RBFOX2: variants seen among roughly 807,000 people sequenced by gnomAD.
RBFOX2 encodes the protein RNA binding protein fox-1 homolog 2.
RBFOX2 carries 10 observed loss-of-function variants against 49.1 expected under a neutral mutation model. That is an observed-to-expected ratio of 0.20 (90% CI 0.13 to 0.35). RBFOX2 has a LOEUF of 0.35. Ranked by LOEUF, RBFOX2 falls within the 10% of genes least tolerant of loss-of-function variation. The probability of loss-of-function intolerance (pLI) is 1.00; values close to 1 mark genes in which losing one functional copy is unlikely to be tolerated. For synonymous variants in RBFOX2, 183 were observed against 187.4 expected, an observed-to-expected ratio of 0.98 and a Z score of 0.19; for missense variants, 323 against 486.9, an observed-to-expected ratio of 0.66 and a Z score of 3.17.
rs370168759 is a variant in RBFOX2 at position 35,778,013 on chromosome 22, A to C, written c.453+12T>G. 2 of 1,607,214 alleles carry C rather than the reference A, an allele frequency of 1.2e-6. No homozygotes were observed. Among genetic ancestry groups the C allele is most frequent in the African/African-American group, 1.3e-5 (1 of 74,614 alleles). ...AGAAATCAAGCACACTTGACACTGA[A>C]ATGGAGCTTACCTTAGAGCCACGTT... On this transcript the variant is annotated intron_variant, in intron 4 of 11. Transcript: ENST00000405409.
At chr22:35,762,764 C>A (rs2146396235) in intron 6 of RBFOX2, among the ~76,000 whole-genome samples, 2 of 152,250 alleles carry the variant, frequency 1.3e-5, no homozygotes, top group Admixed American at 1.3e-4. Flanking sequence ...CTCAGCCTCC[C>A]AGAGTGCTGG....
At chr22:35,884,245 C>T (rs2046300083) in intron 1 of RBFOX2, among the ~76,000 whole-genome samples, 1 of 152,154 alleles carries the variant, frequency 6.6e-6, no homozygotes, top group Non-Finnish European at 1.5e-5. Context: ...GATCCGCCTG[C>T]CTCGGCCTCA....
chr22:35,887,232 C>T (rs2046685480), intron 1 of RBFOX2, among the ~76,000 whole-genome samples: 1 of 152,008 alleles, frequency 6.6e-6, no homozygotes, highest in South Asian at 2.1e-4. Context: ...AGCATTCATG[C>T]GTAAGCCTTT....
chr22:35,919,530 CAAA>C (rs758998485), intron 1 of RBFOX2, among the ~76,000 whole-genome samples: 3 of 115,954 alleles, frequency 2.6e-5, no homozygotes, highest in African/African-American at 3.1e-5. Flanking sequence ...GAGACTGTCT[CAAA>C]AAAAAAAAAA....
intron 1 of RBFOX2, among the ~76,000 whole-genome samples, chr22:35,892,917 C>G (rs913988219): frequency 6.6e-6 from 1 of 152,246 alleles, no homozygotes; most frequent in Non-Finnish European, 1.5e-5. Flanking sequence ...TATTCCTAGT[C>G]CACAGCAGCT....
At chr22:35,794,896 G>A (rs1315061955) in intron 2 of RBFOX2, among the ~76,000 whole-genome samples, 1 of 152,148 alleles carries the variant, frequency 6.6e-6, no homozygotes, top group Non-Finnish European at 1.5e-5. Context: ...GGCATTAGGA[G>A]TAAGTAGGTA....
chr22:35,877,275 CAGGA>C (rs1332408051), intron 1 of RBFOX2, among the ~76,000 whole-genome samples: 5 of 150,522 alleles, frequency 3.3e-5, no homozygotes, highest in Non-Finnish European at 7.4e-5. Context: ...GCTAAAAGGA[CAGGA>C]AGGGAGAAAG....
chr22:35,909,956 G>A lies in RBFOX2; in HGVS notation c.-34+28891C>T, dbSNP rs60095048. On this transcript the variant is annotated intron_variant, in intron 1 of 13. Transcript: ENST00000359369. ...AGAAAAAGAAGATAATTTTTAACCT[G>A]TACCCAAAGGCATAGACAATACAAA... Among the ~76,000 whole-genome samples, 534 of 152,140 alleles carry A rather than the reference G, an allele frequency of 3.5e-3. 1 individual carries two copies. The highest frequency in any genetic ancestry group is 0.011 in the African/African-American group (475 of 41,516).
intron 1 of RBFOX2, among the ~76,000 whole-genome samples, chr22:35,918,216 T>G (rs1263459207): frequency 6.6e-6 from 1 of 152,202 alleles, no homozygotes; most frequent in Non-Finnish European, 1.5e-5. Context: ...TCTGGCAAAG[T>G]AGAAAGCCAT....
chr22:35,961,714 G>A, upstream of RBFOX2: 1 of 1,290,134 alleles, frequency 7.8e-7, no homozygotes, highest in Non-Finnish European at 1.0e-6. Context: ...GCTTCATGGA[G>A]CAGGATACAC....
At position 35,770,544 on chromosome 22, in the gene RBFOX2, A is replaced by C. The variant is rs969904623; in HGVS notation, c.454-2195T>G. ...GAGTCGAACTGAGATTAAGTACCCA[A>C]GGATATCCAGCTAATGGTGAGAAAA... On this transcript the variant is annotated intron_variant, in intron 4 of 11. Transcript: ENST00000405409. Among the ~76,000 whole-genome samples the C allele has an allele frequency of 5.9e-5, 9 of 152,310 alleles. No individual in the cohort carries two copies. The East Asian group carries it at 1.5e-3, about 26-fold the overall frequency.
At chr22:35,952,004 G>A (rs140102094) in intron 1 of RBFOX2, among the ~76,000 whole-genome samples, 19 of 152,342 alleles carry the variant, frequency 1.2e-4, no homozygotes, top group African/African-American at 4.6e-4. Context: ...ACTGATCAGA[G>A]TGGCTCTTAT....
At chr22:35,988,480 G>A (rs1227303060) in intron 1 of RBFOX2, among the ~76,000 whole-genome samples, 1 of 152,182 alleles carries the variant, frequency 6.6e-6, no homozygotes, top group Non-Finnish European at 1.5e-5. Context: ...TATGAAAGCA[G>A]TCAAGAGAGT....
At chr22:35,997,852 A>T (rs1024835522) in intron 1 of RBFOX2, 1 of 152,112 alleles carries the variant, frequency 6.6e-6, no homozygotes, top group Non-Finnish European at 1.5e-5. Context: ...AATAAATAAA[A>T]AATTACCCAG....
chr22:35,828,316 A>G (rs1235905658), intron 1 of RBFOX2, among the ~76,000 whole-genome samples: 1 of 152,184 alleles, frequency 6.6e-6, no homozygotes, highest in Non-Finnish European at 1.5e-5. Context: ...GAGCTTTACA[A>G]CTGCCCCAAC....
intron 1 of RBFOX2, among the ~76,000 whole-genome samples, chr22:35,813,851 C>T (rs6000008): frequency 6.7e-4 from 102 of 152,310 alleles, no homozygotes; most frequent in African/African-American, 2.4e-3. Flanking sequence ...AGGGATAACA[C>T]AGAGTGAAAC....
At chr22:35,738,840 CAAT>C (rs1230883282) in exon 12 of RBFOX2, 1 of 152,498 alleles carries the variant, frequency 6.6e-6, no homozygotes, top group Non-Finnish European at 1.5e-5. Flanking sequence ...GCAACATGAT[CAAT>C]AATTTATACA....
At chr22:35,933,106 C>A (rs141622868) in intron 1 of RBFOX2, among the ~76,000 whole-genome samples, 10 of 152,232 alleles carry the variant, frequency 6.6e-5, no homozygotes, top group African/African-American at 2.4e-4. Flanking sequence ...CAGACAAATA[C>A]AAAAGGGAAA....
At chr22:35,874,566 G>T (rs975804175) in intron 1 of RBFOX2, among the ~76,000 whole-genome samples, 1 of 152,298 alleles carries the variant, frequency 6.6e-6, no homozygotes, top group African/African-American at 2.4e-5. Context: ...AAATCTTAGG[G>T]AGAGAGGAAA....
Sources: gnomAD v4.1 joint callset for allele counts (sites outside exome capture counted in the v4.1 genomes callset) on GRCh38, gnomAD v4.1.1 for gene constraint, MANE v1.5 for transcripts, NCBI Gene and HGNC (gene_info 2026-07-23, HGNC 2026-07-21) for gene names.